The following KIF6 variants were observed in gnomAD, a reference collection of about 807,000 sequenced individuals.
KIF6 encodes the protein kinesin-like protein KIF6.
In KIF6, 106 loss-of-function variants were observed where a neutral mutation model predicts 112.7. That is an observed-to-expected ratio of 0.94 (90% CI 0.80 to 1.11). KIF6 has a LOEUF of 1.11. KIF6 is among the 50% of genes least tolerant of loss of function. KIF6 has a pLI of 0.00. For missense variants in KIF6, 929 were observed against 964.0 expected, an observed-to-expected ratio of 0.96 and a Z score of 0.48; for synonymous variants, 339 against 339.9, an observed-to-expected ratio of 1.00 and a Z score of 0.03.
intron 13 of KIF6, among the ~76,000 whole-genome samples, chr6:39,432,156 T>A (rs1771207406): frequency 6.6e-6 from 1 of 152,244 alleles, no homozygotes; most frequent in South Asian, 2.1e-4. Context: ...GGCAATCCTT[T>A]CTGGTGAAAT....
chr6:39,638,149 C>A (rs1323883453), intron 4 of KIF6, among the ~76,000 whole-genome samples: 1 of 152,010 alleles, frequency 6.6e-6, no homozygotes, highest in Admixed American at 6.6e-5. Flanking sequence ...ACATTAATAT[C>A]CATATGTGGA....
In KIF6 at chr6:39,330,342, C is replaced by T. The variant is rs369339092; in HGVS notation, c.*6190G>A. The T allele has an allele frequency of 3.9e-5, 6 of 152,186 alleles. No individual in the cohort carries two copies. Among genetic ancestry groups the T allele is most frequent in the Admixed American group, 2.6e-4 (4 of 15,276 alleles). 9.4% of individuals were successfully genotyped at this position (152,186 alleles called of 1,614,324 possible). ...TGTTAGGGGTGGCCTGCATGGATGA[C>T]GTTGTTGGTCATGGCTGGTCCCAGC... On this transcript the variant is annotated 3_prime_UTR_variant, in exon 23 of 23. Coordinates refer to ENST00000287152, the MANE Select transcript of KIF6 (RefSeq NM_145027.6).
intron 15 of KIF6, among the ~76,000 whole-genome samples, chr6:39,395,011 A>C (rs1338449346): frequency 1.3e-5 from 2 of 152,234 alleles, no homozygotes; most frequent in African/African-American, 4.8e-5. Flanking sequence ...AACACCAGAC[A>C]GTAGTCTGGG....
At position 39,608,279 on chromosome 6, in the gene KIF6, C is replaced by A. The variant is rs1039865007; in HGVS notation, c.639+4910G>T. Among the ~76,000 whole-genome samples the A allele has an allele frequency of 2.6e-5, 4 of 152,092 alleles. No individual in the cohort carries two copies. The East Asian group carries it at 7.7e-4, about 29-fold the overall frequency. ...ACAAACCCATCATAAATGGAAAATA[C>A]CATAAGTTGAAAATGCATTTAATAC... is the stretch of plus-strand genomic sequence containing the variant. On this transcript the variant is annotated intron_variant, in intron 6 of 22. Transcript: ENST00000287152.
chr6:39,577,085 A>G (rs1220922698), intron 10 of KIF6, among the ~76,000 whole-genome samples: 5 of 152,200 alleles, frequency 3.3e-5, no homozygotes, highest in Non-Finnish European at 7.3e-5. Flanking sequence ...CTTCCCCTTA[A>G]TTGCAAATAT....
In KIF6 at chr6:39,408,928, C is replaced by G. The variant is rs145208180; in HGVS notation, c.1810+11020G>C. On this transcript the variant is annotated intron_variant, in intron 15 of 22. Transcript: ENST00000287152. Reference sequence around the variant, plus strand: ...GAGAACCTAGGAAGGAAGGCCTGTCCTCCCTTGACTAACTTAGTCCTCTTC... The same window carrying G: ...GAGAACCTAGGAAGGAAGGCCTGTCGTCCCTTGACTAACTTAGTCCTCTTC... Among the ~76,000 whole-genome samples, 23 of 152,242 alleles carry G rather than the reference C, an allele frequency of 1.5e-4. No homozygotes were observed. In the East Asian group the frequency reaches 4.4e-3, roughly 29 times the overall value.
intron 16 of KIF6, among the ~76,000 whole-genome samples, chr6:39,369,985 C>T (rs901442216): frequency 6.6e-6 from 1 of 152,206 alleles, no homozygotes; most frequent in African/African-American, 2.4e-5. Context: ...TGGTGCACAG[C>T]ACCTCTCCCA....
In KIF6 at chr6:39,332,534, C is replaced by T. The variant is rs975495839; in HGVS notation, c.*3998G>A. 1 of 152,108 alleles carries T rather than the reference C, an allele frequency of 6.6e-6. No homozygotes were observed. Among genetic ancestry groups the T allele is most frequent in the African/African-American group, 2.4e-5 (1 of 41,420 alleles). 9.4% of individuals were successfully genotyped at this position (152,108 alleles called of 1,614,324 possible). A position where few individuals can be genotyped will look rare whatever the true frequency, so the allele number is the denominator to read the frequency against. ...ATCTATCATCTAGGACTAATTTGGC[C>T]CCACTTCTGAGGCAGTACCTTATGT... On this transcript the variant is annotated 3_prime_UTR_variant, in exon 23 of 23. Coordinates refer to ENST00000287152, the MANE Select transcript of KIF6 (RefSeq NM_145027.6).
intron 1 of KIF6, among the ~76,000 whole-genome samples, chr6:39,722,071 T>C (rs1790252740): frequency 6.6e-6 from 1 of 152,116 alleles, no homozygotes; most frequent in Non-Finnish European, 1.5e-5. Flanking sequence ...TAGAAAGCAA[T>C]GGCATCAGGT....
intron 5 of KIF6, among the ~76,000 whole-genome samples, chr6:39,615,784 G>C (rs1783486219): frequency 6.6e-6 from 1 of 152,070 alleles, no homozygotes; most frequent in South Asian, 2.1e-4. Flanking sequence ...TGAAGACACT[G>C]ATGAGTCATA....
In KIF6 at chr6:39,634,943, A is replaced by T. The variant is rs749462233; in HGVS notation, c.415T>A (p.Tyr139Asn). 1 of 1,603,810 alleles carries T rather than the reference A, an allele frequency of 6.2e-7. No individual in the cohort carries two copies. Among genetic ancestry groups the T allele is most frequent in the South Asian group, 1.1e-5 (1 of 90,802 alleles). The change falls in exon 5 of 23, where the codon TAT (tyrosine) becomes AAT (asparagine). Residue 139 changes from tyrosine (Y) to asparagine (N), a missense_variant. Transcript: ENST00000287152. Reference sequence around the variant, plus strand: ...TCCAAATAGGAAATGTGTGTTGTATATATTTTGCTGCTGTCCTGATTGGAA... The same window carrying T: ...TCCAAATAGGAAATGTGTGTTGTATTTATTTTGCTGCTGTCCTGATTGGAA... ...EQLQKDSSKI[Y>N]TTHISYLEIY...
At position 39,357,946 on chromosome 6, in the gene KIF6, T is replaced by C. The variant is rs377442342; in HGVS notation, c.2083-572A>G. ...CTTTCCAAGTTTTCCACGTTGAACATGTATTCCTTTTTAAAGATAGGAAAA... is the reference window on the plus strand; with the variant it reads ...CTTTCCAAGTTTTCCACGTTGAACACGTATTCCTTTTTAAAGATAGGAAAA... On this transcript the variant is annotated intron_variant, in intron 18 of 22. Transcript: ENST00000287152. Among the ~76,000 whole-genome samples the C allele has an allele frequency of 2.0e-5, 3 of 152,222 alleles. No homozygotes were observed. In the East Asian group the frequency reaches 5.8e-4, roughly 29 times the overall value.
chr6:39,503,077 C>T (rs1205175586), intron 13 of KIF6, among the ~76,000 whole-genome samples: 1 of 152,040 alleles, frequency 6.6e-6, no homozygotes, highest in East Asian at 1.9e-4. Flanking sequence ...TAAAATTGAT[C>T]ACATAAATTA....
intron 2 of KIF6, among the ~76,000 whole-genome samples, chr6:39,717,077 C>A (rs1049481468): frequency 3.3e-5 from 5 of 152,166 alleles, no homozygotes; most frequent in African/African-American, 9.7e-5. Context: ...CTAGTCTTTT[C>A]CCCCTTCCAG....
At chr6:39,568,076 C>T (rs750731751) in intron 10 of KIF6, among the ~76,000 whole-genome samples, 34 of 152,324 alleles carry the variant, frequency 2.2e-4, no homozygotes, top group Non-Finnish European at 4.4e-4. Flanking sequence ...AGCCCATGTG[C>T]TAGGTACTGC....
At chr6:39,679,614 CTTTTT>C (rs55936243) in intron 3 of KIF6, among the ~76,000 whole-genome samples, 2 of 106,500 alleles carry the variant, frequency 1.9e-5, no homozygotes, top group Non-Finnish European at 1.9e-5. Context: ...CTTTTCTTTT[CTTTTT>C]TTTTTTTTTT....
chr6:39,466,984 A>G (rs1174089949), intron 13 of KIF6, among the ~76,000 whole-genome samples: 1 of 152,258 alleles, frequency 6.6e-6, no homozygotes, highest in African/African-American at 2.4e-5. Flanking sequence ...CCAGAGAAGC[A>G]GACCACTGTC....
Position 39,452,846 on chromosome 6 carries a change from G to A in KIF6, c.1646-21685C>T, listed in dbSNP as rs559259916. 3.3e-5 allele frequency among the ~76,000 whole-genome samples: 5 copies of A among 152,288 alleles called. No homozygotes were observed. In the East Asian group the frequency reaches 5.8e-4, roughly 18 times the overall value. ...CAGGAAAATTCATTTCAGAACAGGCGCAAAATCAACCCTTGCAGTCAACAG... is the reference window on the plus strand; with the variant it reads ...CAGGAAAATTCATTTCAGAACAGGCACAAAATCAACCCTTGCAGTCAACAG... On this transcript the variant is annotated intron_variant, in intron 13 of 22. Transcript: ENST00000287152.
At chr6:39,636,561 A>T (rs1784632186) in intron 4 of KIF6, among the ~76,000 whole-genome samples, 1 of 151,986 alleles carries the variant, frequency 6.6e-6, no homozygotes, top group African/African-American at 2.4e-5. Flanking sequence ...GACTATAAAC[A>T]CTAAAAAGAC....
Sources: allele counts gnomAD v4.1 joint callset (sites outside exome capture counted in the v4.1 genomes callset), GRCh38; gene constraint gnomAD v4.1.1; transcripts MANE v1.5; gene names NCBI Gene and HGNC (gene_info 2026-07-23, HGNC 2026-07-21).